ANKRD29: variants seen among roughly 807,000 people sequenced by gnomAD.
ANKRD29 encodes the protein ankyrin repeat domain 29.
A neutral mutation model predicts 38.0 loss-of-function variants in ANKRD29; 32 were observed. That is an observed-to-expected ratio of 0.84 (90% CI 0.64 to 1.13). The LOEUF (loss-of-function observed/expected upper bound fraction) is 1.13. Among genes scored for constraint, ANKRD29 ranks in the 50% most tolerant of loss-of-function variants. The probability of loss-of-function intolerance (pLI) is 0.00; values close to 1 mark genes in which losing one functional copy is unlikely to be tolerated. For missense variants in ANKRD29, 357 were observed against 377.9 expected (o/e 0.94, Z 0.46); for synonymous variants, 135 against 152.4 (o/e 0.89, Z 0.84).
chr18:23,651,463 A>G (rs1007404261), intron 1 of ANKRD29, among the ~76,000 whole-genome samples: 1 of 152,234 alleles, frequency 6.6e-6, no homozygotes, highest in African/African-American at 2.4e-5. Flanking sequence ...ATGAATCATG[A>G]AACAAAGCCT....
chr18:23,603,251 C>T (rs2059535042), intron 9 of ANKRD29, among the ~76,000 whole-genome samples: 2 of 152,256 alleles, frequency 1.3e-5, no homozygotes, highest in East Asian at 1.9e-4. Flanking sequence ...TTTACCTATG[C>T]ATGGTTTGTA....
intron 6 of ANKRD29, among the ~76,000 whole-genome samples, chr18:23,624,466 C>CAAAAAA (rs56005663): frequency 0.013 from 421 of 32,468 alleles, 93 homozygotes; most frequent in Non-Finnish European, 0.019. Context: ...GACTCCATCT[C>CAAAAAA]AAAAAAAAAA....
chr18:23,647,106 G>C (rs1402897000), intron 2 of ANKRD29: 2 of 152,236 alleles, frequency 1.3e-5, no homozygotes, highest in African/African-American at 4.8e-5. Context: ...ATTAGGTATA[G>C]GGTAATTAAG....
intron 8 of ANKRD29, among the ~76,000 whole-genome samples, chr18:23,613,333 T>G (rs986256802): frequency 6.6e-6 from 1 of 151,904 alleles, no homozygotes; most frequent in Non-Finnish European, 1.5e-5. Flanking sequence ...ACAGCCACTC[T>G]GCTAATTTTT....
intron 1 of ANKRD29, among the ~76,000 whole-genome samples, chr18:23,661,546 A>T (rs1174370372): frequency 6.6e-6 from 1 of 152,218 alleles, no homozygotes; most frequent in Non-Finnish European, 1.5e-5. Flanking sequence ...TCTCTACTAA[A>T]AATACGAAAA....
chr18:23,629,736 G>T (rs6507792), intron 6 of ANKRD29, 117 bp downstream of exon 6: 32,891 of 733,922 alleles, frequency 0.045, 1,964 homozygotes, highest in African/African-American at 0.22. Flanking sequence ...AGAAGCAGAA[G>T]GGTTTAAAGG....
At chr18:23,619,081 G>T (rs969443285) in intron 7 of ANKRD29, among the ~76,000 whole-genome samples, 2 of 152,252 alleles carry the variant, frequency 1.3e-5, no homozygotes, top group African/African-American at 4.8e-5. Flanking sequence ...CACAAAGGCA[G>T]TATTAGGTGG....
intron 6 of ANKRD29, among the ~76,000 whole-genome samples, chr18:23,627,762 C>T (rs563474438): frequency 5.7e-4 from 87 of 151,968 alleles, no homozygotes; most frequent in Non-Finnish European, 2.1e-4. Context: ...AATAATGGCC[C>T]CCAAATCAAA....
chr18:23,642,908 T>A (rs1027683491), intron 3 of ANKRD29, among the ~76,000 whole-genome samples: 19 of 152,250 alleles, frequency 1.2e-4, no homozygotes, highest in African/African-American at 4.3e-4. Context: ...TGAGCTACTG[T>A]GCAAGTGCTG....
intron 3 of ANKRD29, among the ~76,000 whole-genome samples, chr18:23,645,251 T>C (rs1469929381): frequency 6.6e-6 from 1 of 152,092 alleles, no homozygotes; most frequent in Non-Finnish European, 1.5e-5. Context: ...CTGGGTCAGC[T>C]TGGAAATATA....
intron 3 of ANKRD29, among the ~76,000 whole-genome samples, chr18:23,644,084 T>G (rs2060110202): frequency 6.6e-6 from 1 of 152,242 alleles, no homozygotes; most frequent in Non-Finnish European, 1.5e-5. Flanking sequence ...ACCTTTAAGC[T>G]GAGTACACTT....
At chr18:23,621,898 G>A (rs2145666289) in intron 6 of ANKRD29, among the ~76,000 whole-genome samples, 1 of 151,636 alleles carries the variant, frequency 6.6e-6, no homozygotes, top group Middle Eastern at 3.4e-3. Flanking sequence ...TGCCTAAGTT[G>A]TTCTTGAACT....
At position 23,600,903 on chromosome 18, in the gene ANKRD29, T is replaced by C. The variant is rs1187924005; in HGVS notation, c.*323A>G. 2.9e-5 allele frequency: 6 copies of C among 204,784 alleles called. No individual in the cohort carries two copies. The highest frequency in any genetic ancestry group is 1.4e-4 in the African/African-American group (6 of 43,302). 12.7% of individuals were successfully genotyped at this position (204,784 alleles called of 1,614,324 possible). ...TCCTTGCTTAGTACTGAGAACCCTG[T>C]CCACCTTAGAGTTTAACTGACAGGT... On this transcript the variant is annotated 3_prime_UTR_variant, in exon 10 of 10. Transcript: ENST00000592179.
At chr18:23,639,686 C>G (rs879599875) in intron 3 of ANKRD29, among the ~76,000 whole-genome samples, 1 of 152,036 alleles carries the variant, frequency 6.6e-6, no homozygotes, top group South Asian at 2.1e-4. Flanking sequence ...CAGGCGTGCA[C>G]CCCCACATCT....
chr18:23,640,288 T>G (rs2060057373), intron 3 of ANKRD29, among the ~76,000 whole-genome samples: 1 of 152,154 alleles, frequency 6.6e-6, no homozygotes. Context: ...CACACCTTGA[T>G]TTTGGACTTC....
intron 1 of ANKRD29, among the ~76,000 whole-genome samples, chr18:23,656,299 T>C (rs2060283272): frequency 6.6e-6 from 1 of 152,020 alleles, no homozygotes; most frequent in African/African-American, 2.4e-5. Flanking sequence ...CTACATACAT[T>C]GATTCTGAAT....
chr18:23,629,898 A>G lies in ANKRD29; in HGVS notation c.483T>C (p.Ile161=). ...LAAQGGYLDV[I]RLLLASGAKV... The stretch of plus-strand genomic sequence containing the variant: ...TTGCTCCTGAAGCCAGCAGTAATCG[A>G]ATAACATCCAAGTAACCACCTTGGG... The change falls in exon 6 of 10, where the codon ATT becomes ATC. Residue 161 remains isoleucine (I), a synonymous_variant. Coordinates refer to ENST00000592179, the MANE Select transcript of ANKRD29 (RefSeq NM_173505.4). 6.2e-7 allele frequency: 1 copy of G among 1,614,190 alleles called. No homozygotes were observed. The highest frequency in any genetic ancestry group is 8.5e-7 in the Non-Finnish European group (1 of 1,180,026).
chr18:23,608,082 C>T (rs938455563), intron 9 of ANKRD29, among the ~76,000 whole-genome samples: 1 of 152,238 alleles, frequency 6.6e-6, no homozygotes, highest in Non-Finnish European at 1.5e-5. Context: ...TCTTTACTCC[C>T]CTGCTTACAG....
intron 3 of ANKRD29, 139 bp downstream of exon 3, chr18:23,646,050 A>C: frequency 1.3e-6 from 1 of 741,568 alleles, no homozygotes. Flanking sequence ...ACCTCATTGT[A>C]GGCACAATAA....
Sources: gnomAD v4.1 joint callset for allele counts (sites outside exome capture counted in the v4.1 genomes callset) on GRCh38, gnomAD v4.1.1 for gene constraint, MANE v1.5 for transcripts, NCBI Gene and HGNC (gene_info 2026-07-23, HGNC 2026-07-21) for gene names.